TNS3: variants seen among roughly 807,000 people sequenced by gnomAD.
TNS3 encodes tensin 3.
A neutral mutation model predicts 140.9 loss-of-function variants in TNS3; 45 were observed. The observed-to-expected ratio is 0.32, with a 90% CI of 0.25 to 0.41. The LOEUF (loss-of-function observed/expected upper bound fraction) is 0.41, where lower values mean the gene tolerates loss of function less well. TNS3 is among the 10% of genes least tolerant of loss of function. TNS3 has a pLI of 1.00. For synonymous variants in TNS3, 815 were observed against 788.4 expected (o/e 1.03, Z -0.56); for missense variants, 1,716 against 1,906.7 (o/e 0.90, Z 1.86).
chr7:47,419,321 C>T (rs1794251374), intron 10 of TNS3, among the ~76,000 whole-genome samples: 1 of 152,206 alleles, frequency 6.6e-6, no homozygotes, highest in African/African-American at 2.4e-5. Flanking sequence ...TTTCCGCAGG[C>T]TGTGGGCAGC....
chr7:47,353,358 C>A (rs1789797771), intron 17 of TNS3, among the ~76,000 whole-genome samples: 1 of 152,248 alleles, frequency 6.6e-6, no homozygotes, highest in African/African-American at 2.4e-5. Flanking sequence ...CGCTGAGGCA[C>A]TGACTTCTGA....
At chr7:47,489,617 T>C (rs1467574025) in intron 3 of TNS3, among the ~76,000 whole-genome samples, 1 of 152,252 alleles carries the variant, frequency 6.6e-6, no homozygotes, top group Non-Finnish European at 1.5e-5. Flanking sequence ...AAGTTACCAC[T>C]GGTAGGGAAT....
intron 1 of TNS3, among the ~76,000 whole-genome samples, chr7:47,538,098 G>A (rs981353712): frequency 6.6e-6 from 1 of 152,016 alleles, no homozygotes; most frequent in Admixed American, 6.6e-5. Flanking sequence ...AGGTGAAGAT[G>A]ACAGGGTGAT....
intron 1 of TNS3, chr7:47,581,454 TAGG>T (rs1369936487): frequency 1.3e-5 from 2 of 151,728 alleles, no homozygotes; most frequent in African/African-American, 4.8e-5. Flanking sequence ...CTAGAAAAAG[TAGG>T]AGAAGGGTCT....
intron 3 of TNS3, among the ~76,000 whole-genome samples, chr7:47,501,510 C>A (rs527284154): frequency 3.3e-4 from 50 of 152,174 alleles, no homozygotes; most frequent in African/African-American, 1.2e-3. Context: ...GCGGAGCTGG[C>A]TGGTGGGATG....
At chr7:47,298,717 A>C (rs1485169833) in intron 23 of TNS3, among the ~76,000 whole-genome samples, 4 of 152,256 alleles carry the variant, frequency 2.6e-5, no homozygotes, top group Non-Finnish European at 5.9e-5. Context: ...GCACTCCCAC[A>C]GAGGCCCCTC....
At chr7:47,292,257 C>G (rs935288839) in intron 26 of TNS3, among the ~76,000 whole-genome samples, 1 of 152,092 alleles carries the variant, frequency 6.6e-6, no homozygotes, top group Non-Finnish European at 1.5e-5. Context: ...TTTCTAATCA[C>G]CGAATTAGTC....
At chr7:47,501,093 GAGAA>G (rs1028465108) in intron 3 of TNS3, among the ~76,000 whole-genome samples, 2 of 145,620 alleles carry the variant, frequency 1.4e-5, no homozygotes, top group African/African-American at 2.6e-5. Context: ...AACAGAAAGA[GAGAA>G]AGAGAGAAAG....
chr7:47,496,785 C>G (rs904120668), intron 3 of TNS3, among the ~76,000 whole-genome samples: 3 of 152,188 alleles, frequency 2.0e-5, no homozygotes, highest in African/African-American at 2.4e-5. Context: ...CCTGCAGCAC[C>G]CAGCTCTGCC....
intron 16 of TNS3, among the ~76,000 whole-genome samples, chr7:47,371,938 T>A (rs1304746696): frequency 1.3e-5 from 2 of 152,232 alleles, no homozygotes; most frequent in East Asian, 1.9e-4. Context: ...GATGGTTCTA[T>A]GTAAAGGTTG....
At chr7:47,328,460 C>T (rs923300227) in intron 20 of TNS3, among the ~76,000 whole-genome samples, 13 of 152,194 alleles carry the variant, frequency 8.5e-5, no homozygotes, top group Non-Finnish European at 1.8e-4. Flanking sequence ...AAGGCACAAG[C>T]GGCAGGACCT....
Position 47,275,288 on chromosome 7 carries a change from A to C in TNS3, c.*2788T>G, listed in dbSNP as rs1784826848. On this transcript the variant is annotated 3_prime_UTR_variant, in exon 31 of 31. Coordinates refer to ENST00000311160, the MANE Select transcript of TNS3 (RefSeq NM_022748.12). ...TCTTTACAGTATCAGAAAAGTAAAA[A>C]TATGCACTAACAAGGCAGAGAAGAC... is the stretch of plus-strand genomic sequence containing the variant. The C allele has an allele frequency of 1.3e-5, 2 of 152,718 alleles. No homozygotes were observed. Among genetic ancestry groups the C allele is most frequent in the African/African-American group, 4.8e-5 (2 of 41,464 alleles). 9.5% of individuals were successfully genotyped at this position (152,718 alleles called of 1,614,324 possible).
chr7:47,389,733 C>T (rs916286086), intron 16 of TNS3, among the ~76,000 whole-genome samples: 2 of 152,364 alleles, frequency 1.3e-5, no homozygotes, highest in Admixed American at 1.3e-4. Flanking sequence ...GCCACTCTCT[C>T]AGGTGACATT....
At chr7:47,421,765 GT>G (rs748853898) in intron 10 of TNS3, among the ~76,000 whole-genome samples, 1 of 152,168 alleles carries the variant, frequency 6.6e-6, no homozygotes, top group Non-Finnish European at 1.5e-5. Flanking sequence ...ATGGGCACAT[GT>G]GAGTTTTACG....
rs751024897 is a variant in TNS3, at chr7:47,486,531, G to C, written c.-114-5390C>G. Among the ~76,000 whole-genome samples the C allele has an allele frequency of 1.9e-3, 285 of 152,248 alleles. 6 individuals are homozygous for C. The highest frequency in any genetic ancestry group is 1.2e-3 in the Non-Finnish European group (83 of 68,020). On this transcript the variant is annotated intron_variant, in intron 3 of 30. Coordinates refer to ENST00000311160, the MANE Select transcript of TNS3 (RefSeq NM_022748.12). The stretch of plus-strand genomic sequence containing the variant: ...TGCCTTAGAAAGTGCTTTCATCCAA[G>C]GTGCACTGGCCCGGCCACCATTACC...
At chr7:47,536,562 T>G in intron 1 of TNS3, among the ~76,000 whole-genome samples, 1 of 152,208 alleles carries the variant, frequency 6.6e-6, no homozygotes, top group East Asian at 1.9e-4. Flanking sequence ...ATAGCAGGTC[T>G]GCGCAATGGC....
chr7:47,385,517 G>A (rs980854359), intron 16 of TNS3, among the ~76,000 whole-genome samples: 1 of 152,174 alleles, frequency 6.6e-6, no homozygotes, highest in African/African-American at 2.4e-5. Flanking sequence ...GATGGAGACT[G>A]CATCCTGGAT....
intron 16 of TNS3, among the ~76,000 whole-genome samples, chr7:47,382,732 C>T (rs1450379139): frequency 2.8e-4 from 42 of 151,384 alleles, no homozygotes. Context: ...CAGTCGACCT[C>T]GAGGAACCTG....
At chr7:47,550,851 A>G (rs1344303430) in intron 1 of TNS3, among the ~76,000 whole-genome samples, 1 of 152,204 alleles carries the variant, frequency 6.6e-6, no homozygotes, top group Non-Finnish European at 1.5e-5. Context: ...GAAAACGCCC[A>G]TGGGATATTA....
Sources: allele counts gnomAD v4.1 joint callset (sites outside exome capture counted in the v4.1 genomes callset), GRCh38; gene constraint gnomAD v4.1.1; transcripts MANE v1.5; gene names NCBI Gene and HGNC (gene_info 2026-07-23, HGNC 2026-07-21).